ATP6V1E1: variants seen among roughly 807,000 people sequenced by gnomAD.
The protein encoded by ATP6V1E1 is V-type proton ATPase subunit E 1.
A neutral mutation model predicts 35.2 loss-of-function variants in ATP6V1E1; 21 were observed. That is an observed-to-expected ratio of 0.60 (90% CI 0.42 to 0.86). ATP6V1E1 has a LOEUF of 0.86. ATP6V1E1 is among the 40% of genes least tolerant of loss of function. The probability of loss-of-function intolerance (pLI) is 0.00; values close to 1 mark genes in which losing one functional copy is unlikely to be tolerated. For missense variants in ATP6V1E1, 183 were observed against 272.6 expected (o/e 0.67, Z 2.32); for synonymous variants, 83 against 87.8 (o/e 0.95, Z 0.30).
intron 7 of ATP6V1E1, among the ~76,000 whole-genome samples, chr22:17,597,600 C>T (rs1193355983): frequency 6.6e-6 from 1 of 152,016 alleles, no homozygotes; most frequent in Non-Finnish European, 1.5e-5. Flanking sequence ...GGGCCACCTC[C>T]CCGCAGAAGG....
intron 1 of ATP6V1E1, among the ~76,000 whole-genome samples, chr22:17,625,562 T>C (rs1454524760): frequency 6.8e-6 from 1 of 147,026 alleles, no homozygotes; most frequent in African/African-American, 2.4e-5. Flanking sequence ...ATTACAGGCG[T>C]GAGCCGGCCA....
At chr22:17,614,830 G>A (rs1178292255) in intron 2 of ATP6V1E1, among the ~76,000 whole-genome samples, 1 of 151,426 alleles carries the variant, frequency 6.6e-6, no homozygotes, top group Admixed American at 6.6e-5. Flanking sequence ...TTAGGCGGGC[G>A]TGGTGGCAGT....
At chr22:17,599,637 C>T (rs1379420329) in intron 6 of ATP6V1E1, among the ~76,000 whole-genome samples, 3 of 142,010 alleles carry the variant, frequency 2.1e-5, no homozygotes, top group Admixed American at 7.2e-5. Context: ...TGGGTTTTTA[C>T]GGCCAGGCGC....
chr22:17,601,057 T>C (rs746559702), intron 5 of ATP6V1E1, 35 bp downstream of exon 5: 30 of 1,564,352 alleles, frequency 1.9e-5, no homozygotes, highest in Non-Finnish European at 2.5e-5. Flanking sequence ...CTCAGAACTG[T>C]GGCTATCAAC....
At chr22:17,627,353 TC>T (rs2057917007) in intron 1 of ATP6V1E1, among the ~76,000 whole-genome samples, 1 of 151,218 alleles carries the variant, frequency 6.6e-6, no homozygotes, top group Non-Finnish European at 1.5e-5. Context: ...CGTCTCGAAC[TC>T]CTGACCTCAG....
rs182783274 is a variant in ATP6V1E1 at position 17,599,968 on chromosome 22, G to C, written c.435+59C>G. On this transcript the variant is annotated intron_variant, in intron 6 of 8. Transcript: ENST00000253413. ...GGAAGGAAGGAAAAGAAAGAGAGAGGGGAAGGAAGAAAGGGAGGGGGGAGG... is the reference window on the plus strand; with the variant it reads ...GGAAGGAAGGAAAAGAAAGAGAGAGCGGAAGGAAGAAAGGGAGGGGGGAGG... The C allele has an allele frequency of 9.3e-4, 1,096 of 1,183,872 alleles. 7 individuals carry two copies. The African/African-American group carries it at 0.017, about 18-fold the overall frequency. The allele number at this position is 1,183,872 out of a possible 1,614,324, so 73.3% of individuals were successfully genotyped here.
chr22:17,621,638 A>T (rs926571735), intron 1 of ATP6V1E1, among the ~76,000 whole-genome samples: 1 of 152,072 alleles, frequency 6.6e-6, no homozygotes, highest in Non-Finnish European at 1.5e-5. Flanking sequence ...CAAACCCTTC[A>T]CTACTCACCA....
In ATP6V1E1 at chr22:17,601,256, C is replaced by G. The variant is rs2057760463; in HGVS notation, c.277-75G>C. On this transcript the variant is annotated intron_variant, in intron 4 of 8. Coordinates refer to ENST00000253413, the MANE Select transcript of ATP6V1E1 (RefSeq NM_001696.4). ...CTCAGAACCCACTGTGAGGCTGATC[C>G]TGGCTCATGCCCAGCTGCCTCACAT... 3.4e-6 allele frequency: 4 copies of G among 1,179,408 alleles called. No individual in the cohort carries two copies. In the Admixed American group the frequency reaches 6.1e-5, roughly 18 times the overall value. The allele number at this position is 1,179,408 out of a possible 1,614,324, so 73.1% of individuals were successfully genotyped here.
At chr22:17,601,291 G>T in intron 4 of ATP6V1E1, 110 bp from the exon 5 acceptor site, 1 of 815,918 alleles carries the variant, frequency 1.2e-6, no homozygotes, top group Non-Finnish European at 1.9e-6. Flanking sequence ...TTTTATTGCT[G>T]GATTTTCATT....
Position 17,592,342 on chromosome 22 carries a change from C to A in ATP6V1E1, c.*332G>T. The A allele has an allele frequency of 3.3e-6, 1 of 305,992 alleles. No individual in the cohort carries two copies. Among genetic ancestry groups the A allele is most frequent in the Non-Finnish European group, 6.2e-6 (1 of 160,608 alleles). 19.0% of individuals were successfully genotyped at this position (305,992 alleles called of 1,614,324 possible). A position where few individuals can be genotyped will look rare whatever the true frequency, so the allele number is the denominator to read the frequency against. On this transcript the variant is annotated 3_prime_UTR_variant, in exon 9 of 9. Coordinates refer to ENST00000253413, the MANE Select transcript of ATP6V1E1 (RefSeq NM_001696.4). ...CAAGAGTGGGGACTGCAGGGCCAAA[C>A]ACCAAATACATCACCTTTAGGCCAG...
intron 1 of ATP6V1E1, among the ~76,000 whole-genome samples, chr22:17,619,744 C>A (rs1210318016): frequency 2.0e-5 from 3 of 152,176 alleles, no homozygotes; most frequent in Non-Finnish European, 4.4e-5. Flanking sequence ...AAGTCAATCA[C>A]TTACTGAATG....
intron 1 of ATP6V1E1, 48 bp downstream of exon 1, chr22:17,628,555 C>A: frequency 6.2e-7 from 1 of 1,613,382 alleles, no homozygotes; most frequent in Non-Finnish European, 8.5e-7. Flanking sequence ...CCAGCCCACT[C>A]CCCGGGACTG....
At chr22:17,616,579 T>C (rs2401160) in intron 2 of ATP6V1E1, among the ~76,000 whole-genome samples, 52,276 of 148,974 alleles carry the variant, frequency 0.35, 9,334 homozygotes, top group African/African-American at 0.41. Context: ...CTTGGGAGGC[T>C]GAGGCAGGAG....
chr22:17,609,213 T>A (rs2057802026), intron 4 of ATP6V1E1, among the ~76,000 whole-genome samples: 1 of 151,814 alleles, frequency 6.6e-6, no homozygotes, highest in Admixed American at 6.6e-5. Flanking sequence ...CAGGCTGGAG[T>A]GCAATGACGG....
At chr22:17,624,214 A>G (rs1482601714) in intron 1 of ATP6V1E1, among the ~76,000 whole-genome samples, 1 of 152,222 alleles carries the variant, frequency 6.6e-6, no homozygotes, top group African/African-American at 2.4e-5. Context: ...TTCATGTAGC[A>G]TGAAGGATTA....
chr22:17,627,919 C>T (rs2057927167), intron 1 of ATP6V1E1, among the ~76,000 whole-genome samples: 1 of 149,870 alleles, frequency 6.7e-6, no homozygotes, highest in Non-Finnish European at 1.5e-5. Flanking sequence ...CGCACTGTTT[C>T]CTATCATATA....
intron 4 of ATP6V1E1, among the ~76,000 whole-genome samples, chr22:17,605,423 G>A (rs547077496): frequency 2.6e-3 from 399 of 151,834 alleles, no homozygotes; most frequent in African/African-American, 9.0e-3. Context: ...CCAGCTACTC[G>A]GGAGGCTGAG....
chr22:17,592,410 C>G lies in ATP6V1E1; in HGVS notation c.*264G>C. 1 of 467,496 alleles carries G rather than the reference C, an allele frequency of 2.1e-6. No homozygotes were observed. Among genetic ancestry groups the G allele is most frequent in the Non-Finnish European group, 3.9e-6 (1 of 257,080 alleles). 29.0% of individuals were successfully genotyped at this position (467,496 alleles called of 1,614,324 possible). A position where few individuals can be genotyped will look rare whatever the true frequency, so the allele number is the denominator to read the frequency against. Reference sequence around the variant, plus strand: ...AGGAAGCCCATGCAACCACCATCTGCCCCCTCCCCTAGTGCTGCAGAACCG... The same window carrying G: ...AGGAAGCCCATGCAACCACCATCTGGCCCCTCCCCTAGTGCTGCAGAACCG... On this transcript the variant is annotated 3_prime_UTR_variant, in exon 9 of 9. Transcript: ENST00000253413.
chr22:17,603,058 G>A (rs1280224794), intron 4 of ATP6V1E1, among the ~76,000 whole-genome samples: 1 of 152,166 alleles, frequency 6.6e-6, no homozygotes, highest in Admixed American at 6.6e-5. Context: ...CCGGGTTCAA[G>A]CGATTCTCCC....
Sources: gnomAD v4.1 joint callset for allele counts (sites outside exome capture counted in the v4.1 genomes callset) on GRCh38, gnomAD v4.1.1 for gene constraint, MANE v1.5 for transcripts, NCBI Gene and HGNC (gene_info 2026-07-23, HGNC 2026-07-21) for gene names.